Variants in FER1L6 observed in about 807,000 individuals in gnomAD.
The protein encoded by FER1L6 is fer-1 like family member 6.
In FER1L6, 177 loss-of-function variants were observed where a neutral mutation model predicts 219.2. The ratio of observed to expected loss-of-function variants is 0.81; its 90% CI spans 0.71 to 0.91. The LOEUF (loss-of-function observed/expected upper bound fraction) is 0.91. Ranked by LOEUF, FER1L6 falls within the 40% of genes least tolerant of loss-of-function variation. The pLI is 0.00. For synonymous variants in FER1L6, 768 were observed against 824.3 expected, an observed-to-expected ratio of 0.93 and a Z score of 1.17; for missense variants, 2,153 against 2,259.9, an observed-to-expected ratio of 0.95 and a Z score of 0.96.
At chr8:124,075,343 C>T (rs1821235373) in intron 31 of FER1L6, among the ~76,000 whole-genome samples, 1 of 152,092 alleles carries the variant, frequency 6.6e-6, no homozygotes. Context: ...AACAAACACA[C>T]ACACGTTAGC....
intron 33 of FER1L6, among the ~76,000 whole-genome samples, chr8:124,088,581 C>T (rs781773422): frequency 6.6e-6 from 1 of 151,954 alleles, no homozygotes; most frequent in Non-Finnish European, 1.5e-5. Context: ...CTCTTCCTAT[C>T]ACTACCATAG....
chr8:124,048,471 G>GCACA (rs773688816), intron 21 of FER1L6, among the ~76,000 whole-genome samples: 48 of 152,282 alleles, frequency 3.2e-4, no homozygotes, highest in South Asian at 1.5e-3. Flanking sequence ...GGGGGAATGT[G>GCACA]CACACAGTCT....
At chr8:123,929,232 C>T (rs1387611865) in intron 1 of FER1L6, among the ~76,000 whole-genome samples, 1 of 152,142 alleles carries the variant, frequency 6.6e-6, no homozygotes, top group African/African-American at 2.4e-5. Flanking sequence ...CTACTCTGCC[C>T]CATGCACATG....
Position 124,003,249 on chromosome 8 carries a change from A to G in FER1L6, c.1602A>G (p.Pro534=). ...SAESAEEDLL[P]LLHEGQGDVA... ...AATCAGCTGAAGAAGACCTCCTTCC[A>G]CTGCTTCACGAAGGGCAAGGGGATG... The change falls in exon 13 of 41, where the codon CCA becomes CCG. Residue 534 remains proline, a synonymous_variant. Coordinates refer to ENST00000522917, the MANE Select transcript of FER1L6 (RefSeq NM_001039112.2). 6.2e-7 allele frequency: 1 copy of G among 1,614,034 alleles called. No individual in the cohort carries two copies. Among genetic ancestry groups the G allele is most frequent in the South Asian group, 1.1e-5 (1 of 91,072 alleles).
At chr8:123,858,053 G>A (rs906163004) in intron 1 of FER1L6, among the ~76,000 whole-genome samples, 3 of 152,102 alleles carry the variant, frequency 2.0e-5, no homozygotes, top group Non-Finnish European at 4.4e-5. Context: ...GGGACTGGGG[G>A]TCATCCCTTC....
chr8:123,928,784 C>CAT (rs1162154765), intron 1 of FER1L6, among the ~76,000 whole-genome samples: 2 of 152,186 alleles, frequency 1.3e-5, no homozygotes, highest in African/African-American at 4.8e-5. Context: ...AGGATTCTTT[C>CAT]ATATATATCT....
intron 13 of FER1L6, among the ~76,000 whole-genome samples, chr8:124,003,810 A>G (rs528036907): frequency 6.6e-6 from 1 of 152,130 alleles, no homozygotes; most frequent in Admixed American, 6.5e-5. Flanking sequence ...CAAGGTGCAA[A>G]TAGGAGCAAG....
chr8:123,923,445 A>G (rs566209674), intron 1 of FER1L6, among the ~76,000 whole-genome samples: 4 of 152,220 alleles, frequency 2.6e-5, no homozygotes, highest in African/African-American at 9.6e-5. Flanking sequence ...GCAACTTCAT[A>G]TAGTTCAACT....
At chr8:123,959,367 A>T (rs1213891509) in intron 2 of FER1L6, among the ~76,000 whole-genome samples, 2 of 152,218 alleles carry the variant, frequency 1.3e-5, no homozygotes, top group African/African-American at 4.8e-5. Flanking sequence ...ACTCGACAGC[A>T]AGGCCCCAGC....
Position 124,066,511 on chromosome 8 carries a change from G to T in FER1L6, c.3639G>T (p.Trp1213Cys). 6.2e-7 allele frequency: 1 copy of T among 1,614,102 alleles called. No individual in the cohort carries two copies. Among genetic ancestry groups the T allele is most frequent in the Non-Finnish European group, 8.5e-7 (1 of 1,179,984 alleles). Residue 1213 changes from tryptophan to cysteine, a missense_variant, in exon 27 of 41, where the codon TGG (tryptophan) becomes TGT (cysteine). Physicochemically the swap from Trp to Cys is radical, Grantham distance 215. Coordinates refer to ENST00000522917, the MANE Select transcript of FER1L6 (RefSeq NM_001039112.2). ...ADESAENVID[W>C]WSKYYASLKK... ...AATCTGCTGAAAACGTGATTGACTG[G>T]TGGTCTAAGTATTATGCCTCCCTGA...
intron 39 of FER1L6, among the ~76,000 whole-genome samples, chr8:124,112,136 A>G (rs959687617): frequency 1.3e-5 from 2 of 152,170 alleles, no homozygotes; most frequent in African/African-American, 4.8e-5. Flanking sequence ...TCCAACATGC[A>G]TGTCCAGCCT....
intron 27 of FER1L6, 82 bp downstream of exon 27, chr8:124,066,632 C>G (rs950402919): frequency 1.3e-6 from 2 of 1,500,584 alleles, no homozygotes; most frequent in African/African-American, 1.4e-5. Context: ...CCTACATAAC[C>G]TCCTTTTAAA....
At position 124,066,416 on chromosome 8, in the gene FER1L6, A is replaced by G. The variant is rs1281108816; in HGVS notation, c.3556-12A>G. On this transcript the variant is annotated splice_polypyrimidine_tract_variant and intron_variant, in intron 26 of 40. Transcript: ENST00000522917. ...GGTTGAACTAATAACCCATTCCCTC[A>G]TCCCTTGCCAGGATCCCAGGAAGCC... 1.2e-6 allele frequency: 2 copies of G among 1,612,938 alleles called. No homozygotes were observed. The highest frequency in any genetic ancestry group is 2.2e-5 in the South Asian group (2 of 90,928).
chr8:123,985,930 G>T, intron 11 of FER1L6, 138 bp from the exon 12 acceptor site: 2 of 606,224 alleles, frequency 3.3e-6, no homozygotes, highest in Non-Finnish European at 2.9e-6. Context: ...TATTTGGGGG[G>T]AAACGCTGTG....
intron 1 of FER1L6, among the ~76,000 whole-genome samples, chr8:123,934,053 GA>G (rs1212929248): frequency 6.6e-6 from 1 of 152,016 alleles, no homozygotes; most frequent in Non-Finnish European, 1.5e-5. Context: ...AGAACAAGGG[GA>G]TCCTCTTGGC....
chr8:124,031,562 A>G (rs1399396103), intron 18 of FER1L6, among the ~76,000 whole-genome samples: 1 of 152,168 alleles, frequency 6.6e-6, no homozygotes, highest in African/African-American at 2.4e-5. Context: ...CAATTTTTAC[A>G]TAGAAAGGCA....
chr8:124,013,572 T>C (rs1262250043), intron 15 of FER1L6, 41 bp downstream of exon 15: 36 of 1,400,114 alleles, frequency 2.6e-5, no homozygotes, highest in Non-Finnish European at 3.4e-5. Context: ...GCTGAGCTTC[T>C]GTGGTCTCAG....
chr8:123,900,825 A>T (rs1296758703), intron 1 of FER1L6, among the ~76,000 whole-genome samples: 1 of 152,126 alleles, frequency 6.6e-6, no homozygotes, highest in East Asian at 1.9e-4. Context: ...CGTATGTTAA[A>T]CCATCTCTGC....
At chr8:123,967,510 T>C (rs774907006) in intron 5 of FER1L6, among the ~76,000 whole-genome samples, 7 of 152,226 alleles carry the variant, frequency 4.6e-5, no homozygotes. Context: ...TATAACTGGG[T>C]CACAAGGTAT....
Sources: gnomAD v4.1 joint callset for allele counts (sites outside exome capture counted in the v4.1 genomes callset) on GRCh38, gnomAD v4.1.1 for gene constraint, MANE v1.5 for transcripts, NCBI Gene and HGNC (gene_info 2026-07-23, HGNC 2026-07-21) for gene names.